Variants in VPS13B observed in about 807,000 individuals in gnomAD.
VPS13B encodes vacuolar protein sorting 13 homolog B.
VPS13B carries 285 observed loss-of-function variants against 426.4 expected under a neutral mutation model. The observed-to-expected ratio is 0.67, with a 90% CI of 0.61 to 0.74. VPS13B has a LOEUF of 0.74. Ranked by LOEUF, VPS13B falls within the 30% of genes least tolerant of loss-of-function variation. The pLI is 0.00. For missense variants in VPS13B, 4,537 were observed against 4,782.6 expected, an observed-to-expected ratio of 0.95 and a Z score of 1.51; for synonymous variants, 1,676 against 1,676.4, an observed-to-expected ratio of 1.00 and a Z score of 0.01.
At chr8:99,032,707 T>G (rs556360235) in intron 2 of VPS13B, among the ~76,000 whole-genome samples, 17 of 151,456 alleles carry the variant, frequency 1.1e-4, no homozygotes, top group Middle Eastern at 3.4e-3. Context: ...TTTTGTTTTT[T>G]TTTTTTGTAT....
At chr8:99,074,007 G>A (rs1195963507) in intron 3 of VPS13B, among the ~76,000 whole-genome samples, 2 of 152,044 alleles carry the variant, frequency 1.3e-5, no homozygotes, top group Non-Finnish European at 2.9e-5. Context: ...CTGGGCTCAA[G>A]TCCTCCCACC....
chr8:99,642,527 T>C, intron 34 of VPS13B, 29 bp downstream of exon 34: 1 of 1,553,364 alleles, frequency 6.4e-7, no homozygotes, highest in South Asian at 1.1e-5. Context: ...ACTGGAGTGC[T>C]AATAATTACT....
intron 44 of VPS13B, among the ~76,000 whole-genome samples, chr8:99,813,462 C>T (rs931155315): frequency 4.6e-5 from 7 of 152,192 alleles, no homozygotes; most frequent in Admixed American, 2.6e-4. Flanking sequence ...TTAAATAATG[C>T]TTCAGAGTTT....
chr8:99,496,608 G>A (rs914359259), intron 25 of VPS13B, among the ~76,000 whole-genome samples: 17 of 151,934 alleles, frequency 1.1e-4, no homozygotes, highest in Non-Finnish European at 2.4e-4. Context: ...CCAAGATCTC[G>A]CCACTGCACT....
intron 24 of VPS13B, among the ~76,000 whole-genome samples, chr8:99,476,028 A>G (rs1819671723): frequency 6.6e-6 from 1 of 152,248 alleles, no homozygotes; most frequent in Admixed American, 6.5e-5. Flanking sequence ...ATTGATCACA[A>G]GGTTGTTGGG....
At chr8:99,772,927 T>C (rs180928894) in intron 40 of VPS13B, among the ~76,000 whole-genome samples, 2 of 152,304 alleles carry the variant, frequency 1.3e-5, no homozygotes, top group East Asian at 1.9e-4. Flanking sequence ...TGAACCAACG[T>C]TGAGAGACAG....
At chr8:99,193,332 G>T (rs1458261417) in intron 17 of VPS13B, among the ~76,000 whole-genome samples, 1 of 151,982 alleles carries the variant, frequency 6.6e-6, no homozygotes, top group African/African-American at 2.4e-5. Context: ...ACTTTTGAGG[G>T]TATCAATGTA....
intron 17 of VPS13B, among the ~76,000 whole-genome samples, chr8:99,193,364 A>G (rs1229709122): frequency 3.3e-5 from 5 of 152,164 alleles, no homozygotes; most frequent in African/African-American, 1.2e-4. Context: ...TGATAACCAA[A>G]TTAAGTATAA....
intron 54 of VPS13B, among the ~76,000 whole-genome samples, chr8:99,845,957 G>A (rs543988590): frequency 4.6e-5 from 7 of 152,166 alleles, no homozygotes; most frequent in Admixed American, 1.3e-4. Context: ...AGGAATACAT[G>A]TCAATTCTGC....
intron 33 of VPS13B, among the ~76,000 whole-genome samples, chr8:99,595,325 G>A (rs1826952470): frequency 6.6e-6 from 1 of 151,882 alleles, no homozygotes; most frequent in Admixed American, 6.6e-5. Flanking sequence ...TAACTCTCCT[G>A]TTTATAGTCA....
intron 54 of VPS13B, among the ~76,000 whole-genome samples, chr8:99,847,392 A>G (rs1816038589): frequency 6.6e-6 from 1 of 152,202 alleles, no homozygotes; most frequent in Non-Finnish European, 1.5e-5. Flanking sequence ...TAGAATGTAG[A>G]AGTAGGTGTC....
intron 25 of VPS13B, among the ~76,000 whole-genome samples, chr8:99,500,013 C>G (rs1051128361): frequency 6.6e-6 from 1 of 152,042 alleles, no homozygotes; most frequent in African/African-American, 2.4e-5. Flanking sequence ...CTGAATATAC[C>G]TGTGTTTAGA....
At chr8:99,682,759 G>T (rs1324101111) in intron 35 of VPS13B, among the ~76,000 whole-genome samples, 1 of 152,190 alleles carries the variant, frequency 6.6e-6, no homozygotes, top group African/African-American at 2.4e-5. Flanking sequence ...CTATCCGCCT[G>T]TGTTCACTCA....
At chr8:99,342,402 T>C (rs1811301283) in intron 19 of VPS13B, among the ~76,000 whole-genome samples, 1 of 152,220 alleles carries the variant, frequency 6.6e-6, no homozygotes, top group Non-Finnish European at 1.5e-5. Flanking sequence ...ATTCCCTCTC[T>C]TCACATCTTT....
rs545258116 is a variant in VPS13B at position 99,085,108 on chromosome 8, A to C, written c.292-11204A>C. 3.1e-4 allele frequency among the ~76,000 whole-genome samples: 47 copies of C among 152,166 alleles called. No individual in the cohort carries two copies. In the East Asian group the frequency reaches 8.7e-3, roughly 28 times the overall value. ...AGTCTAAGTCTCTTTGTAGGTCTCT[A>C]AGGACTTGCTTTATGAATCTGGGTG... is the stretch of plus-strand genomic sequence containing the variant. On this transcript the variant is annotated intron_variant, in intron 3 of 61. Transcript: ENST00000357162.
chr8:99,072,561 G>A (rs1234059382), intron 3 of VPS13B, among the ~76,000 whole-genome samples: 1 of 152,104 alleles, frequency 6.6e-6, no homozygotes, highest in South Asian at 2.1e-4. Flanking sequence ...GTGCGGGGCC[G>A]AGGTGGTATA....
intron 21 of VPS13B, among the ~76,000 whole-genome samples, chr8:99,426,227 A>G (rs1816699558): frequency 1.4e-5 from 2 of 139,526 alleles, no homozygotes; most frequent in Non-Finnish European, 3.1e-5. Flanking sequence ...CCATGTCCCT[A>G]CAAAGGACAT....
At chr8:99,237,674 C>T (rs1349033907) in intron 17 of VPS13B, among the ~76,000 whole-genome samples, 2 of 152,100 alleles carry the variant, frequency 1.3e-5, no homozygotes, top group Non-Finnish European at 2.9e-5. Flanking sequence ...AAAGACTACA[C>T]ATTGGGTATA....
chr8:99,677,423 T>G (rs1350647841), intron 35 of VPS13B, among the ~76,000 whole-genome samples: 1 of 152,226 alleles, frequency 6.6e-6, no homozygotes, highest in Admixed American at 6.5e-5. Context: ...TCATAGTTTG[T>G]TTTCTCTGTG....
Sources: allele counts gnomAD v4.1 joint callset (sites outside exome capture counted in the v4.1 genomes callset), GRCh38; gene constraint gnomAD v4.1.1; transcripts MANE v1.5; gene names NCBI Gene and HGNC (gene_info 2026-07-23, HGNC 2026-07-21).